Variants in CHADL observed in about 807,000 individuals in gnomAD.
The protein encoded by CHADL is chondroadherin-like protein.
In CHADL, 48 loss-of-function variants were observed where a neutral mutation model predicts 52.1. The ratio of observed to expected loss-of-function variants is 0.92; its 90% CI spans 0.73 to 1.17. The LOEUF is 1.17. CHADL is among the 50% of genes most tolerant of loss of function. The pLI is 0.00. For synonymous variants in CHADL, 498 were observed against 511.2 expected (o/e 0.97, Z 0.35); for missense variants, 977 against 1,035.1 (o/e 0.94, Z 0.77).
In CHADL at chr22:41,238,901, A is replaced by T; in HGVS notation, c.187-16T>A. On this transcript the variant is annotated splice_polypyrimidine_tract_variant and intron_variant, in intron 2 of 5. Coordinates refer to ENST00000216241, the MANE Select transcript of CHADL (RefSeq NM_138481.2). This position sits in a 1 kb window ranked among gnomAD's most constrained non-coding sequence, Gnocchi z 4.9. ...GCTGGGTCAGCTGGGGACAGCGAGGAGAAAGTGGGGCTGAGCCAGGCAGGG... is the reference window on the plus strand; with the variant it reads ...GCTGGGTCAGCTGGGGACAGCGAGGTGAAAGTGGGGCTGAGCCAGGCAGGG... 1 of 1,520,098 alleles carries T rather than the reference A, an allele frequency of 6.6e-7. No homozygotes were observed. The highest frequency in any genetic ancestry group is 8.9e-7 in the Non-Finnish European group (1 of 1,126,862). 94.2% of individuals were successfully genotyped at this position (1,520,098 alleles called of 1,614,324 possible).
chr22:41,239,392 T>C (rs1226841254), intron 2 of CHADL, 51 bp downstream of exon 2: 2 of 1,515,704 alleles, frequency 1.3e-6, no homozygotes, highest in South Asian at 1.2e-5. Flanking sequence ...TCCCTCTGGG[T>C]CCCCACCTTG....
At chr22:41,231,577 A>G (rs1470285449) in intron 5 of CHADL, among the ~76,000 whole-genome samples, 3 of 152,268 alleles carry the variant, frequency 2.0e-5, no homozygotes, top group Non-Finnish European at 4.4e-5. Context: ...GCGCATGACC[A>G]CGTGTTGCTG....
chr22:41,233,470 A>T (rs938794913), intron 5 of CHADL, among the ~76,000 whole-genome samples: 2 of 152,126 alleles, frequency 1.3e-5, no homozygotes, highest in African/African-American at 2.4e-5. Context: ...CTCAGAAAAA[A>T]AAAGGGGGGG....
In CHADL at chr22:41,238,595, C is replaced by A. The variant is rs1471282563; in HGVS notation, c.477G>T (p.Ala159=). The change falls in exon 3 of 6, where the codon GCG becomes GCT. Residue 159 remains alanine, a synonymous_variant. Coordinates refer to ENST00000216241, the MANE Select transcript of CHADL (RefSeq NM_138481.2). This position sits in a 1 kb window ranked among gnomAD's most constrained non-coding sequence, Gnocchi z 4.9. ...LRPGTFGALG[A]LATLNLAHNA... is the part of the protein sequence containing the mutation. Reference sequence around the variant, plus strand: ...TGTGGGCCAGGTTTAGCGTGGCCAGCGCACCCAGTGCCCCGAACGTCCCCG... The same window carrying A: ...TGTGGGCCAGGTTTAGCGTGGCCAGAGCACCCAGTGCCCCGAACGTCCCCG... 19 of 1,545,134 alleles carry A rather than the reference C, an allele frequency of 1.2e-5. No individual in the cohort carries two copies. In the Admixed American group the frequency reaches 2.4e-4, roughly 19 times the overall value.
In CHADL at chr22:41,239,433, C is replaced by A; in HGVS notation, c.186+10G>T. The A allele has an allele frequency of 1.9e-6, 3 of 1,550,144 alleles. No individual in the cohort carries two copies. The highest frequency in any genetic ancestry group is 1.2e-5 in the South Asian group (1 of 83,902). ...CTGCCACTCTGTGCCTGTGCTCCTG[C>A]CCTGCTGACCTCAGGGATGGCGTCT... On this transcript the variant is annotated intron_variant, in intron 2 of 5. Transcript: ENST00000216241.
chr22:41,239,642 T>C (rs1243575278), intron 1 of CHADL, 22 bp from the exon 2 acceptor site: 1 of 1,506,808 alleles, frequency 6.6e-7, no homozygotes, highest in South Asian at 1.3e-5. Flanking sequence ...AGGGAGAGTC[T>C]GTTGTGCACA....
chr22:41,236,949 T>C (rs1216549906), intron 3 of CHADL, among the ~76,000 whole-genome samples: 1 of 152,180 alleles, frequency 6.6e-6, no homozygotes, highest in Non-Finnish European at 1.5e-5. Context: ...AATTCCTCCC[T>C]CCTCTATGCT....
At chr22:41,239,819 T>C (rs2032829291) in intron 1 of CHADL, among the ~76,000 whole-genome samples, 199 bp from the exon 2 acceptor site, 1 of 152,160 alleles carries the variant, frequency 6.6e-6, no homozygotes, top group East Asian at 1.9e-4. Flanking sequence ...TAGTCCTGTT[T>C]TACATGGGAG....
chr22:41,231,287 T>A (rs1396317677), intron 5 of CHADL: 3 of 152,286 alleles, frequency 2.0e-5, no homozygotes, highest in East Asian at 1.9e-4. Context: ...GTTTGTTAGA[T>A]CTCTATTCCT....
chr22:41,233,359 G>C (rs1023242427), intron 5 of CHADL, among the ~76,000 whole-genome samples: 1 of 152,178 alleles, frequency 6.6e-6, no homozygotes. Context: ...CTACTTGGGA[G>C]GCTGAGGCAG....
intron 3 of CHADL, 145 bp downstream of exon 3, chr22:41,237,031 G>T (rs2145635971): frequency 1.2e-6 from 1 of 827,534 alleles, no homozygotes; most frequent in Non-Finnish European, 1.8e-6. Flanking sequence ...ACACCGGTAG[G>T]GGCAGTCCTG....
At chr22:41,229,871 C>T in intron 5 of CHADL, 141 bp from the exon 6 acceptor site, 1 of 774,698 alleles carries the variant, frequency 1.3e-6, no homozygotes, top group Non-Finnish European at 2.2e-6. Flanking sequence ...GGCCCCGGCC[C>T]CTCCTCCTCC....
At position 41,239,513 on chromosome 22, in the gene CHADL, CAG is replaced by C; in HGVS notation, c.114_115del (p.Ile38MetfsTer2). The stretch of plus-strand genomic sequence containing the variant: ...GGCAACGTGTCGCCTGGAGTTGTCA[CAG>C]ATGCAGGCCTGTGGGCAGCGCTGGG... On this transcript the variant is annotated frameshift_variant, in exon 2 of 6. Transcript: ENST00000216241. LOFTEE classifies it high-confidence loss of function. 1 of 1,550,496 alleles carries C rather than the reference CAG, an allele frequency of 6.4e-7. No individual in the cohort carries two copies. Among genetic ancestry groups the C allele is most frequent in the Middle Eastern group, 1.7e-4 (1 of 5,988 alleles).
At chr22:41,229,796 C>T in intron 5 of CHADL, 66 bp from the exon 6 acceptor site, 1 of 1,417,318 alleles carries the variant, frequency 7.1e-7, no homozygotes, top group South Asian at 1.2e-5. Flanking sequence ...TCCTGTACCA[C>T]TGGACCCAGG....
At position 41,239,558 on chromosome 22, in the gene CHADL, G is replaced by C; in HGVS notation, c.71C>G (p.Pro24Arg). Residue 24 changes from proline (P) to arginine (R), a missense_variant, in exon 2 of 6, where the codon CCG (proline) becomes CGG (arginine). Physicochemically the swap from Pro to Arg is moderately radical, Grantham distance 103 (BLOSUM62 -2). Coordinates refer to ENST00000216241, the MANE Select transcript of CHADL (RefSeq NM_138481.2). Reference protein sequence around the residue: ...LPLLVLLLLAPARQAAAQRCP... With the variant: ...LPLLVLLLLARARQAAAQRCP... ...GCGCTGGGCGGCGGCCTGCCTAGCC[G>C]GGGCCAGCAGCAGAAGTACAAGAAG... 6.5e-7 allele frequency: 1 copy of C among 1,548,106 alleles called. No homozygotes were observed. The highest frequency in any genetic ancestry group is 8.7e-7 in the Non-Finnish European group (1 of 1,145,774).
intron 2 of CHADL, 62 bp downstream of exon 2, chr22:41,239,376 GGCTCC>G (rs2032820298): frequency 6.9e-7 from 1 of 1,446,980 alleles, no homozygotes; most frequent in East Asian, 2.5e-5. Context: ...GCCCAGCCCA[GGCTCC>G]TCCCTCTGGG....
At chr22:41,236,243 G>A (rs189685418) in intron 4 of CHADL, among the ~76,000 whole-genome samples, 93 of 152,340 alleles carry the variant, frequency 6.1e-4, no homozygotes, top group African/African-American at 2.1e-3. Context: ...GCTAGGCAGA[G>A]CAGATACCAT....
Position 41,239,756 on chromosome 22 carries a change from A to G in CHADL, c.9-136T>C, listed in dbSNP as rs2032827789. ...CTCCTTTGGGCCCAGGAAAGTGCCA[A>G]TCACCCTGAGCCTCCCTGCCCCCCA... On this transcript the variant is annotated intron_variant, in intron 1 of 5. Coordinates refer to ENST00000216241, the MANE Select transcript of CHADL (RefSeq NM_138481.2). 5 of 768,998 alleles carry G rather than the reference A, an allele frequency of 6.5e-6. No homozygotes were observed. In the Admixed American group the frequency reaches 1.4e-4, roughly 21 times the overall value. 47.6% of individuals were successfully genotyped at this position (768,998 alleles called of 1,614,324 possible). A position where few individuals can be genotyped will look rare whatever the true frequency, so the allele number is the denominator to read the frequency against.
At position 41,238,006 on chromosome 22, in the gene CHADL, G is replaced by T. The variant is rs1394318680; in HGVS notation, c.1066C>A (p.Arg356Ser). ...ALDALRPWDL[R>S]CPGDAAQEEE... ...TCCTGCGCCGCGTCCCCAGGGCAGC[G>T]CAGGTCCCAGGGCCGCAGGGCGTCC... The change falls in exon 3 of 6, where the codon CGC becomes AGC. Residue 356 changes from arginine (R) to serine (S), a missense_variant. Transcript: ENST00000216241. This position sits in a 1 kb window ranked among gnomAD's most constrained non-coding sequence, Gnocchi z 4.9. 2.3e-6 allele frequency: 3 copies of T among 1,283,132 alleles called. No individual in the cohort carries two copies. Among genetic ancestry groups the T allele is most frequent in the East Asian group, 6.6e-5 (2 of 30,392 alleles). 79.5% of individuals were successfully genotyped at this position (1,283,132 alleles called of 1,614,324 possible). A position where few individuals can be genotyped will look rare whatever the true frequency, so the allele number is the denominator to read the frequency against.
Sources: gnomAD v4.1 joint callset for allele counts (sites outside exome capture counted in the v4.1 genomes callset) on GRCh38, gnomAD v4.1.1 for gene constraint, Gnocchi (gnomAD v3.1) non-coding constraint, MANE v1.5 for transcripts, NCBI Gene and HGNC (gene_info 2026-07-23, HGNC 2026-07-21) for gene names.